PCDHA1: variants seen among roughly 807,000 people sequenced by gnomAD.
PCDHA1 encodes protocadherin alpha 1.
In PCDHA1, 42 loss-of-function variants were observed where a neutral mutation model predicts 61.3. The observed-to-expected ratio is 0.69, with a 90% confidence interval of 0.54 to 0.89. PCDHA1 has a LOEUF of 0.89. Among genes scored for constraint, PCDHA1 ranks in the 40% least tolerant of loss-of-function variants. The probability of loss-of-function intolerance (pLI) is 0.00; values close to 1 mark genes in which losing one functional copy is unlikely to be tolerated. For synonymous variants in PCDHA1, 610 were observed against 553.8 expected (o/e 1.10, Z -1.43); for missense variants, 1,256 against 1,235.3 (o/e 1.02, Z -0.25).
At chr5:140,837,780 G>A (rs1024402142) in intron 1 of PCDHA1, among the ~76,000 whole-genome samples, 3 of 151,682 alleles carry the variant, frequency 2.0e-5, no homozygotes, top group Admixed American at 6.6e-5. Context: ...GGGCTCACAG[G>A]ATCCTCCCAT....
intron 1 of PCDHA1, chr5:140,871,036 C>T: frequency 6.2e-7 from 1 of 1,613,274 alleles, no homozygotes; most frequent in Non-Finnish European, 8.5e-7. Context: ...GCCGCGCCAC[C>T]GACTTCTAGT....
chr5:140,906,985 G>A (rs1418384427), intron 1 of PCDHA1, among the ~76,000 whole-genome samples: 1 of 152,170 alleles, frequency 6.6e-6, no homozygotes, highest in East Asian at 1.9e-4. Context: ...TCTGGTGGCA[G>A]CATTCCTCCC....
At chr5:140,982,240 A>G (rs1257297614) in intron 2 of PCDHA1, 14 of 694,558 alleles carry the variant, frequency 2.0e-5, no homozygotes, top group Admixed American at 3.6e-5. Flanking sequence ...CAGAATTGCC[A>G]TAAAGATAGA....
intron 1 of PCDHA1, among the ~76,000 whole-genome samples, chr5:140,878,476 A>T (rs1037108551): frequency 3.2e-4 from 49 of 152,322 alleles, no homozygotes; most frequent in African/African-American, 1.1e-3. Flanking sequence ...TCATTTCTCA[A>T]TTTAAAAATA....
intron 1 of PCDHA1, among the ~76,000 whole-genome samples, chr5:140,964,075 AT>A (rs1277799626): frequency 9.2e-5 from 14 of 152,324 alleles, no homozygotes; most frequent in African/African-American, 3.1e-4. Flanking sequence ...TAGTGTTAAT[AT>A]TTGTAGAAAG....
chr5:140,794,880 G>T, intron 1 of PCDHA1: 1 of 1,391,698 alleles, frequency 7.2e-7, no homozygotes, highest in Non-Finnish European at 9.8e-7. Context: ...AATAAGAGAA[G>T]CAGCAGGACT....
chr5:140,809,591 T>C, intron 1 of PCDHA1: 1 of 1,536,156 alleles, frequency 6.5e-7, no homozygotes, highest in South Asian at 1.2e-5. Context: ...ATAACATCCT[T>C]TTGTTTAATT....
intron 1 of PCDHA1, among the ~76,000 whole-genome samples, chr5:140,910,110 G>A (rs964418352): frequency 6.6e-6 from 1 of 152,194 alleles, no homozygotes; most frequent in South Asian, 2.1e-4. Flanking sequence ...TCATTTAAGG[G>A]ATTCTAGGTC....
chr5:140,798,762 T>C (rs7705377), intron 1 of PCDHA1, among the ~76,000 whole-genome samples: 8,148 of 152,252 alleles, frequency 0.054, 709 homozygotes, highest in African/African-American at 0.19. Context: ...ATTATAACAC[T>C]GAACTCGACA....
chr5:140,982,687 C>T (rs2096996612), intron 3 of PCDHA1, 124 bp downstream of exon 3: 1 of 1,415,822 alleles, frequency 7.1e-7, no homozygotes, highest in Non-Finnish European at 9.3e-7. Flanking sequence ...CCCTTTTTTC[C>T]ATACATACAT....
chr5:140,850,095 C>T lies in PCDHA1; in HGVS notation c.2394+61411C>T, dbSNP rs139719626. 631 of 1,596,304 alleles carry T rather than the reference C, an allele frequency of 4.0e-4. 37 individuals are homozygous for T. In the African/African-American group the frequency reaches 7.2e-3, roughly 18 times the overall value. On this transcript the variant is annotated intron_variant, in intron 1 of 3. Transcript: ENST00000504120. ...CGAGGAGCTGGAGCTGCTACAGTTC[C>T]AGGTGAGCGCGCGCGACGCGGGCGT...
chr5:140,788,079 G>A lies in PCDHA1; in HGVS notation c.1789G>A (p.Val597Met). Residue 597 changes from valine (V) to methionine (M), a missense_variant, in exon 1 of 4, where the codon GTG (valine) becomes ATG (methionine). Physicochemically the swap from Val to Met is conservative, Grantham distance 21. Coordinates refer to ENST00000504120, the MANE Select transcript of PCDHA1 (RefSeq NM_018900.4). ...TCATGTGGTGGCGAAGGTGCGCGCA[G>A]TGGACGCCGACTCGGGCTACAACGC... ...AGHVVAKVRA[V>M]DADSGYNAWL... is the part of the protein sequence containing the mutation. The A allele has an allele frequency of 6.2e-7, 1 of 1,614,014 alleles. No individual in the cohort carries two copies. The highest frequency in any genetic ancestry group is 8.5e-7 in the Non-Finnish European group (1 of 1,179,910).
intron 1 of PCDHA1, chr5:140,795,765 T>C (rs138887896): frequency 6.2e-7 from 1 of 1,613,906 alleles, no homozygotes; most frequent in Non-Finnish European, 8.5e-7. Context: ...TAAACGCTTC[T>C]GATGCAGATG....
At position 141,010,386 on chromosome 5, in the gene PCDHA1, T is replaced by C; in HGVS notation, c.*449T>C. On this transcript the variant is annotated 3_prime_UTR_variant, in exon 4 of 4. Coordinates refer to ENST00000504120, the MANE Select transcript of PCDHA1 (RefSeq NM_018900.4). ...GGGTATGCGAGTGCCAGATATTGGCTGAGACGAGCCAGCTTAGACTAATTG... is the reference window on the plus strand; with the variant it reads ...GGGTATGCGAGTGCCAGATATTGGCCGAGACGAGCCAGCTTAGACTAATTG... The C allele has an allele frequency of 7.1e-7, 1 of 1,413,970 alleles. No homozygotes were observed. The highest frequency in any genetic ancestry group is 9.4e-7 in the Non-Finnish European group (1 of 1,063,616). 87.6% of individuals were successfully genotyped at this position (1,413,970 alleles called of 1,614,324 possible). A position where few individuals can be genotyped will look rare whatever the true frequency, so the allele number is the denominator to read the frequency against.
rs1263615997 is a variant in PCDHA1 at position 140,926,760 on chromosome 5, A to ATAC, written c.2395-52188_2395-52187insACT. ...GGCGCAACGTCGGCGGTCGCTGAGT[A>ATAC]TCCAGCCCGCAGCAGTGACGGCCGG... On this transcript the variant is annotated intron_variant, in intron 1 of 3. Transcript: ENST00000504120. The ATAC allele has an allele frequency of 6.1e-6, 8 of 1,312,248 alleles. No homozygotes were observed. The African/African-American group carries it at 1.2e-4, about 20-fold the overall frequency. The allele number at this position is 1,312,248 out of a possible 1,614,324, so 81.3% of individuals were successfully genotyped here.
At chr5:140,809,085 C>G (rs1554124989) in intron 1 of PCDHA1, 17 of 1,613,966 alleles carry the variant, frequency 1.1e-5, no homozygotes, top group Non-Finnish European at 1.4e-5. Context: ...GAGATCAGCA[C>G]AACGCGTGCC....
intron 1 of PCDHA1, among the ~76,000 whole-genome samples, chr5:140,899,359 T>C (rs1247414230): frequency 6.6e-6 from 1 of 152,116 alleles, no homozygotes; most frequent in Non-Finnish European, 1.5e-5. Context: ...TTTTGAGATA[T>C]GTCCCATCAA....
In PCDHA1 at chr5:140,795,812, G is replaced by C. The variant is rs782218525; in HGVS notation, c.2394+7128G>C. 1.9e-6 allele frequency: 3 copies of C among 1,613,794 alleles called. No individual in the cohort carries two copies. In the South Asian group the frequency reaches 3.3e-5, roughly 18 times the overall value. On this transcript the variant is annotated intron_variant, in intron 1 of 3. Transcript: ENST00000504120. ...AGCGAGATTGTGTATTCACTCGGTA[G>C]TGATGTGTCCTCCACTATACAGACT... is the stretch of plus-strand genomic sequence containing the variant.
At chr5:140,838,754 T>A in intron 1 of PCDHA1, among the ~76,000 whole-genome samples, 1 of 151,892 alleles carries the variant, frequency 6.6e-6, no homozygotes, top group East Asian at 1.9e-4. Flanking sequence ...TGTGCATCTT[T>A]TGTAGAGACT....
Sources: gnomAD v4.1 joint callset for allele counts (sites outside exome capture counted in the v4.1 genomes callset) on GRCh38, gnomAD v4.1.1 for gene constraint, MANE v1.5 for transcripts, NCBI Gene and HGNC (gene_info 2026-07-23, HGNC 2026-07-21) for gene names.